Variants in PPL observed in about 807,000 individuals in gnomAD.
PPL encodes the protein periplakin.
PPL carries 198 observed loss-of-function variants against 194.4 expected under a neutral mutation model. The observed-to-expected ratio is 1.02, with a 90% CI of 0.91 to 1.15. PPL has a LOEUF of 1.15. Ranked by LOEUF, PPL falls within the 50% of genes most tolerant of loss-of-function variation. PPL has a pLI of 0.00. For synonymous variants in PPL, 1,220 were observed against 972.4 expected (o/e 1.25, Z -4.74); for missense variants, 2,885 against 2,294.8 (o/e 1.26, Z -5.25).
At chr16:4,888,712 A>ATTT (rs34143557) in intron 19 of PPL, 73,089 of 403,248 alleles carry the variant, frequency 0.18, 4,438 homozygotes, top group Admixed American at 0.25. Context: ...TTTATCCTGC[A>ATTT]TTTTTTTTTT....
chr16:4,912,198 GT>G (rs1488451442), intron 1 of PPL, among the ~76,000 whole-genome samples: 1 of 152,176 alleles, frequency 6.6e-6, no homozygotes, highest in African/African-American at 2.4e-5. Context: ...CCCACAAGCT[GT>G]CACTCCCTAT....
In PPL at chr16:4,890,300, C is replaced by T. The variant is rs367924372; in HGVS notation, c.2197G>A (p.Glu733Lys). 1.4e-5 allele frequency: 23 copies of T among 1,613,922 alleles called. No individual in the cohort carries two copies. The highest frequency in any genetic ancestry group is 2.2e-5 in the South Asian group (2 of 91,086). Residue 733 changes from glutamate (E) to lysine (K), a missense_variant, in exon 18 of 22, where the codon GAG (glutamate) becomes AAG (lysine). Transcript: ENST00000345988. Reference sequence around the variant, plus strand: ...TGGTCATGGCCGCGGTGGAAGTGCTCGTAGGCTGCCTTGGCGCTCTGTAGG... The same window carrying T: ...TGGTCATGGCCGCGGTGGAAGTGCTTGTAGGCTGCCTTGGCGCTCTGTAGG... ...QSLQSAKAAY[E>K]HFHRGHDHVL...
chr16:4,931,108 A>G (rs1433442417), intron 1 of PPL, among the ~76,000 whole-genome samples: 1 of 152,118 alleles, frequency 6.6e-6, no homozygotes, highest in Non-Finnish European at 1.5e-5. Context: ...TCATGGCTGT[A>G]ATCTCAGTGC....
chr16:4,924,536 A>C (rs1383775470), intron 1 of PPL, among the ~76,000 whole-genome samples: 1 of 152,118 alleles, frequency 6.6e-6, no homozygotes, highest in Non-Finnish European at 1.5e-5. Flanking sequence ...CACCTAATAA[A>C]TGCTCATTCT....
intron 1 of PPL, among the ~76,000 whole-genome samples, chr16:4,912,034 G>A (rs2088829574): frequency 6.6e-6 from 1 of 152,170 alleles, no homozygotes; most frequent in Non-Finnish European, 1.5e-5. Flanking sequence ...TTGGCAAAAC[G>A]CACCATATTT....
At position 4,884,086 on chromosome 16, in the gene PPL, C is replaced by A. The variant is rs779965189; in HGVS notation, c.4569G>T (p.Leu1523=). Residue 1523 remains leucine (L), a synonymous_variant, in exon 22 of 22, where the codon CTG becomes CTT. Coordinates refer to ENST00000345988, the MANE Select transcript of PPL (RefSeq NM_002705.5). This position sits in a 1 kb window ranked among gnomAD's most constrained non-coding sequence, Gnocchi z 5.7. ...CGCGCTTGCTGCGGCTCTCCTCCTC[C>A]AGGCTGCTCTTGAGCCTCTGGATCT... The part of the protein sequence containing the change: ...EQEIQRLKSS[L]EEESRSKREL... 6.2e-7 allele frequency: 1 copy of A among 1,613,174 alleles called. No individual in the cohort carries two copies.
Position 4,885,123 on chromosome 16 carries a change from C to A in PPL, c.3532G>T (p.Val1178Leu), listed in dbSNP as rs146151554. The change falls in exon 22 of 22, where the codon GTG becomes TTG. Residue 1178 changes from valine (V) to leucine (L), a missense_variant. Transcript: ENST00000345988. This position sits in a 1 kb window ranked among gnomAD's most constrained non-coding sequence, Gnocchi z 6.3. Reference protein sequence around the residue: ...VVVQEKVREIVRPDPKAESEV... With the variant: ...VVVQEKVREILRPDPKAESEV... Reference sequence around the variant, plus strand: ...CTTTCCGCCTTGGGGTCTGGCCGCACGATCTCCCGCACCTTCTCCTGCACC... The same window carrying A: ...CTTTCCGCCTTGGGGTCTGGCCGCAAGATCTCCCGCACCTTCTCCTGCACC... The A allele has an allele frequency of 1.2e-6, 2 of 1,613,980 alleles. No homozygotes were observed. The highest frequency in any genetic ancestry group is 1.7e-6 in the Non-Finnish European group (2 of 1,180,022).
In PPL at chr16:4,937,015, CT is replaced by C; in HGVS notation, c.30del (p.Gly11AlafsTer20). 6.5e-7 allele frequency: 1 copy of C among 1,533,776 alleles called. No homozygotes were observed. Among genetic ancestry groups the C allele is most frequent in the Non-Finnish European group, 8.8e-7 (1 of 1,138,966 alleles). On this transcript the variant is annotated frameshift_variant, in exon 1 of 22. Transcript: ENST00000345988. LOFTEE classifies it high-confidence loss of function. MNSLFRKRN[K>X]GKYSPTVQTR... ...GTCTGCACAGTGGGGCTGTATTTGC[CT>C]TTGTTTCTCTTCCTGAAGAGCGAGT...
At chr16:4,920,801 C>G (rs6500642) in intron 1 of PPL, among the ~76,000 whole-genome samples, 119,302 of 152,166 alleles carry the variant, frequency 0.78, 50,755 homozygotes, top group East Asian at 0.99. Flanking sequence ...TGGAGTCTCT[C>G]TCTGTTGCCC....
chr16:4,929,772 G>A (rs2089204464), intron 1 of PPL, among the ~76,000 whole-genome samples: 1 of 151,926 alleles, frequency 6.6e-6, no homozygotes, highest in Non-Finnish European at 1.5e-5. Context: ...CTGCAGCCTT[G>A]AATTCCTGGA....
intron 2 of PPL, 40 bp from the exon 3 acceptor site, chr16:4,904,080 G>A (rs182373582): frequency 7.5e-6 from 12 of 1,590,420 alleles, no homozygotes; most frequent in East Asian, 4.5e-5. Context: ...AACAGGAGCC[G>A]AGAGCGGGCA....
chr16:4,917,902 C>CAAAACA (rs2088956805), intron 1 of PPL, among the ~76,000 whole-genome samples: 1 of 143,658 alleles, frequency 7.0e-6, no homozygotes, highest in African/African-American at 2.6e-5. Context: ...GACCCTGTCT[C>CAAAACA]AAAACAAAAA....
chr16:4,909,304 C>G (rs1410409964), intron 2 of PPL, among the ~76,000 whole-genome samples: 1 of 152,112 alleles, frequency 6.6e-6, no homozygotes, highest in African/African-American at 2.4e-5. Flanking sequence ...ACTGGGCCAT[C>G]AGGAGCAGCC....
intron 1 of PPL, among the ~76,000 whole-genome samples, chr16:4,917,795 G>A (rs981869017): frequency 2.0e-5 from 3 of 152,016 alleles, no homozygotes; most frequent in Non-Finnish European, 2.9e-5. Context: ...CTGGATACTC[G>A]GGAGGCTGAG....
chr16:4,937,038 G>A lies in PPL; in HGVS notation c.8C>T (p.Ser3Leu). Residue 3 changes from serine to leucine, a missense_variant, in exon 1 of 22, where the codon TCG becomes TTG. Transcript: ENST00000345988. ...GCCTTTGTTTCTCTTCCTGAAGAGC[G>A]AGTTCATGGTGGCGCTCGGGGTGCG... MN[S>L]LFRKRNKGKY... 1 of 1,506,062 alleles carries A rather than the reference G, an allele frequency of 6.6e-7. No individual in the cohort carries two copies. Among genetic ancestry groups the A allele is most frequent in the Non-Finnish European group, 8.9e-7 (1 of 1,123,020 alleles). The allele number at this position is 1,506,062 out of a possible 1,614,324, so 93.3% of individuals were successfully genotyped here.
chr16:4,892,044 G>A lies in PPL; in HGVS notation c.1820C>T (p.Ala607Val), dbSNP rs1224853693. 2 of 1,613,418 alleles carry A rather than the reference G, an allele frequency of 1.2e-6. No homozygotes were observed. The highest frequency in any genetic ancestry group is 2.2e-5 in the South Asian group (2 of 91,064). ...YEHLLQLLDL[A>V]QEKVDVANRL... ...CCTGTCTGCCACCCACTTCTCCTGGGCCAAGTCCAGCAGCTGCAGGAGGTG... is the reference window on the plus strand; with the variant it reads ...CCTGTCTGCCACCCACTTCTCCTGGACCAAGTCCAGCAGCTGCAGGAGGTG... Residue 607 changes from alanine to valine, a missense_variant, in exon 15 of 22, where the codon GCC becomes GTC. Physicochemically the swap from Ala to Val is moderately conservative, Grantham distance 64. Coordinates refer to ENST00000345988, the MANE Select transcript of PPL (RefSeq NM_002705.5).
chr16:4,929,712 G>A (rs1040460800), intron 1 of PPL, among the ~76,000 whole-genome samples: 2 of 152,024 alleles, frequency 1.3e-5, no homozygotes, highest in African/African-American at 4.8e-5. Context: ...TTAGAGACAG[G>A]GTCTTGCTCT....
intron 3 of PPL, 78 bp downstream of exon 3, chr16:4,903,808 C>T: frequency 1.3e-6 from 2 of 1,558,492 alleles, no homozygotes; most frequent in Non-Finnish European, 1.7e-6. Flanking sequence ...CTCGGGCTCC[C>T]AAATGCTGAA....
intron 1 of PPL, among the ~76,000 whole-genome samples, chr16:4,911,817 T>C (rs1406463181): frequency 6.6e-6 from 1 of 152,112 alleles, no homozygotes; most frequent in African/African-American, 2.4e-5. Flanking sequence ...GGATTACAGA[T>C]GTCAGCCACC....
Sources: allele counts gnomAD v4.1 joint callset (sites outside exome capture counted in the v4.1 genomes callset), GRCh38; gene constraint gnomAD v4.1.1; non-coding constraint Gnocchi (gnomAD v3.1); transcripts MANE v1.5; gene names NCBI Gene and HGNC (gene_info 2026-07-23, HGNC 2026-07-21).